Variants in C16orf89 observed in about 807,000 individuals in gnomAD.
C16orf89 encodes the protein UPF0764 protein C16orf89.
Under a neutral mutation model 41.5 loss-of-function variants are expected in C16orf89, and 57 were observed. The observed-to-expected ratio is 1.38, with a 90% confidence interval of 1.11 to 1.71. The LOEUF is 1.71. Among genes scored for constraint, C16orf89 ranks in the 40% most tolerant of loss-of-function variants. The pLI, the probability that C16orf89 is intolerant of heterozygous loss-of-function variation, is 0.00. For missense variants in C16orf89, 575 were observed against 445.9 expected, an observed-to-expected ratio of 1.29 and a Z score of -2.61; for synonymous variants, 223 against 190.6, an observed-to-expected ratio of 1.17 and a Z score of -1.40.
chr16:5,065,651 C>G, intron 1 of C16orf89, 50 bp downstream of exon 1: 1 of 1,550,048 alleles, frequency 6.5e-7, no homozygotes, highest in African/African-American at 1.4e-5. Context: ...GGGGACAAAG[C>G]TGAGAGCTAG....
In C16orf89 at chr16:5,061,352, G is replaced by C. The variant is rs1956617337; in HGVS notation, c.359-916C>G. On this transcript the variant is annotated intron_variant, in intron 2 of 7. Transcript: ENST00000472572. ...AGAGGCTAAAGCAGGAAAATCACTT[G>C]AACCCAGGTTGCAGAGGTTGCAGTG... Among the ~76,000 whole-genome samples, 6 of 136,270 alleles carry C rather than the reference G, an allele frequency of 4.4e-5. No individual in the cohort carries two copies. In the South Asian group the frequency reaches 1.4e-3, roughly 32 times the overall value. 89.4% of individuals were successfully genotyped at this position (136,270 alleles called of 152,430 possible). A position where few individuals can be genotyped will look rare whatever the true frequency, so the allele number is the denominator to read the frequency against.
chr16:5,047,935 T>G lies in C16orf89; in HGVS notation c.898A>C (p.Ile300Leu). 6.2e-7 allele frequency: 1 copy of G among 1,600,522 alleles called. No individual in the cohort carries two copies. The highest frequency in any genetic ancestry group is 1.1e-5 in the South Asian group (1 of 90,314). ...DAEDEELSKA[I>L]QYQQHFSRRV... Reference sequence around the variant, plus strand: ...CTCGAAAAATGCTGCTGATATTGAATAGCTTTAGATAATTCTTCATCTTCA... The same window carrying G: ...CTCGAAAAATGCTGCTGATATTGAAGAGCTTTAGATAATTCTTCATCTTCA... Residue 300 changes from isoleucine (I) to leucine (L), a missense_variant, in exon 7 of 8, where the codon ATT becomes CTT. Ile to Leu is a conservative substitution (Grantham distance 5). Coordinates refer to ENST00000472572, the MANE Select transcript of C16orf89 (RefSeq NM_001098514.3).
At chr16:5,056,726 G>A (rs1263826399) in intron 4 of C16orf89, among the ~76,000 whole-genome samples, 2 of 152,202 alleles carry the variant, frequency 1.3e-5, no homozygotes, top group Non-Finnish European at 2.9e-5. Flanking sequence ...AGTGGTCAGA[G>A]TTACTTTCCA....
intron 4 of C16orf89, 25 bp downstream of exon 4, chr16:5,058,468 C>A: frequency 6.4e-7 from 1 of 1,556,956 alleles, no homozygotes; most frequent in Admixed American, 1.7e-5. Context: ...TCCCCTGGCA[C>A]GGCGGGGGCT....
chr16:5,044,911 G>C, intron 7 of C16orf89: 1 of 1,245,022 alleles, frequency 8.0e-7, no homozygotes, highest in Non-Finnish European at 1.0e-6. Flanking sequence ...GGGTGCTTCG[G>C]TGCTCCCTTA....
In C16orf89 at chr16:5,056,147, A is replaced by G. The variant is rs202196210; in HGVS notation, c.669T>C (p.Tyr223=). The G allele has an allele frequency of 2.7e-5, 43 of 1,597,414 alleles. No individual in the cohort carries two copies. The highest frequency in any genetic ancestry group is 3.3e-5 in the Non-Finnish European group (39 of 1,165,978). Residue 223 remains tyrosine, a synonymous_variant, in exon 5 of 8, where the codon TAT becomes TAC. Transcript: ENST00000472572. ...TQGPLQQSQD[Y]INLFCANMMD... is the part of the protein sequence containing the mutation. ...TCATGTTGGCGCAGAAGAGGTTGAT[A>G]TAGTCCTGGCTCTGTTGGAGTGGTC...
At chr16:5,058,449 C>T (rs771669029) in intron 4 of C16orf89, 44 bp downstream of exon 4, 2 of 1,517,398 alleles carry the variant, frequency 1.3e-6, no homozygotes, top group South Asian at 2.3e-5. Flanking sequence ...TTTCCTTTTT[C>T]CTTCCCCTTC....
chr16:5,056,496 C>G (rs1348892767), intron 4 of C16orf89, among the ~76,000 whole-genome samples: 1 of 152,120 alleles, frequency 6.6e-6, no homozygotes, highest in African/African-American at 2.4e-5. Context: ...CAGAGGGGCT[C>G]TCGTAGGGGG....
chr16:5,061,428 G>A (rs1937932927), intron 2 of C16orf89, among the ~76,000 whole-genome samples: 1 of 47,550 alleles, frequency 2.1e-5, no homozygotes, highest in Admixed American at 4.1e-4. Context: ...GTGAGACTCT[G>A]TCTCAAAAAA....
chr16:5,060,326 C>A lies in C16orf89; in HGVS notation c.469G>T (p.Glu157Ter). 3 of 1,612,942 alleles carry A rather than the reference C, an allele frequency of 1.9e-6. No homozygotes were observed. Among genetic ancestry groups the A allele is most frequent in the Non-Finnish European group, 2.5e-6 (3 of 1,179,582 alleles). The change falls in exon 3 of 8, where the codon GAG becomes TAG. Residue 157 changes from glutamate (E) to a stop codon, truncating the protein, a stop_gained. Transcript: ENST00000472572. LOFTEE classifies it high-confidence loss of function. Reference protein sequence around the residue: ...TFGPQDSFSEERSDVCLVQLL... With the variant: ...TFGPQDSFSE ...TGCACCAGGCACACGTCACTTCTCT[C>A]CTCTGAGAATGAGTCCTGGGGCCCG...
At chr16:5,062,043 A>G (rs1416798654) in intron 2 of C16orf89, among the ~76,000 whole-genome samples, 1 of 152,192 alleles carries the variant, frequency 6.6e-6, no homozygotes, top group Admixed American at 6.5e-5. Flanking sequence ...GGATTAAAAT[A>G]ATTTGGTGAC....
intron 6 of C16orf89, among the ~76,000 whole-genome samples, chr16:5,054,698 G>C (rs1956457247): frequency 6.6e-6 from 1 of 152,160 alleles, no homozygotes; most frequent in Admixed American, 6.5e-5. Context: ...ATTTCCATGT[G>C]CTGTGGGAGG....
At chr16:5,060,494 C>T (rs2142663385) in intron 2 of C16orf89, 58 bp from the exon 3 acceptor site, 2 of 1,519,604 alleles carry the variant, frequency 1.3e-6, no homozygotes, top group Non-Finnish European at 9.0e-7. Context: ...GAGCAGTGGG[C>T]CACCCTGGTG....
intron 4 of C16orf89, among the ~76,000 whole-genome samples, chr16:5,057,058 T>A (rs1956522965): frequency 6.6e-6 from 1 of 151,618 alleles, no homozygotes; most frequent in African/African-American, 2.4e-5. Context: ...GCCAACATGG[T>A]GAAACCCCAT....
chr16:5,045,973 T>A (rs573108591), intron 7 of C16orf89, among the ~76,000 whole-genome samples: 1 of 152,218 alleles, frequency 6.6e-6, no homozygotes, highest in Non-Finnish European at 1.5e-5. Context: ...ACAGTCCTCG[T>A]GTTGGGCTCT....
At chr16:5,059,419 A>G (rs1327348315) in intron 3 of C16orf89, among the ~76,000 whole-genome samples, 2 of 151,312 alleles carry the variant, frequency 1.3e-5, no homozygotes, top group African/African-American at 2.4e-5. Flanking sequence ...TGAGCCGAGA[A>G]AGAACACACC....
At chr16:5,046,330 T>TTTTTA (rs529008028) in intron 7 of C16orf89, among the ~76,000 whole-genome samples, 5,711 of 151,812 alleles carry the variant, frequency 0.038, 335 homozygotes, top group African/African-American at 0.13. Flanking sequence ...ACTTATTTAT[T>TTTTTA]TTTTATTTTA....
chr16:5,050,166 G>C (rs1009386536), intron 6 of C16orf89, among the ~76,000 whole-genome samples: 3 of 152,054 alleles, frequency 2.0e-5, no homozygotes, highest in African/African-American at 7.2e-5. Context: ...TCAGGAGTTC[G>C]AGACCAGCCT....
At chr16:5,049,941 T>G (rs923470575) in intron 6 of C16orf89, among the ~76,000 whole-genome samples, 2 of 151,890 alleles carry the variant, frequency 1.3e-5, no homozygotes, top group Non-Finnish European at 2.9e-5. Context: ...AACAGATAAA[T>G]TATTAACTAG....
Sources: allele counts gnomAD v4.1 joint callset (sites outside exome capture counted in the v4.1 genomes callset), GRCh38; gene constraint gnomAD v4.1.1; transcripts MANE v1.5; gene names NCBI Gene and HGNC (gene_info 2026-07-23, HGNC 2026-07-21).